Variants in ITPR2 observed in about 807,000 individuals in gnomAD.
ITPR2 encodes the protein inositol 1,4,5-trisphosphate receptor type 2.
In ITPR2, 207 loss-of-function variants were observed where a neutral mutation model predicts 317.1. The ratio of observed to expected loss-of-function variants is 0.65; its 90% CI spans 0.58 to 0.73. ITPR2 has a LOEUF of 0.73. ITPR2 is among the 30% of genes least tolerant of loss of function. The pLI is 0.00. For synonymous variants in ITPR2, 1,156 were observed against 1,149.1 expected (o/e 1.01, Z -0.12); for missense variants, 2,613 against 3,284.0 (o/e 0.80, Z 4.99).
intron 9 of ITPR2, among the ~76,000 whole-genome samples, chr12:26,699,931 T>A (rs1437880529): frequency 6.6e-6 from 1 of 152,204 alleles, no homozygotes. Context: ...AAATAAATTA[T>A]AAATCTGGCA....
At chr12:26,399,577 G>A (rs180815923) in intron 53 of ITPR2, among the ~76,000 whole-genome samples, 5 of 152,302 alleles carry the variant, frequency 3.3e-5, no homozygotes, top group Admixed American at 6.5e-5. Flanking sequence ...AGGTTAAGAG[G>A]TTAGATGATT....
At chr12:26,506,710 A>G (rs937530929) in intron 37 of ITPR2, among the ~76,000 whole-genome samples, 5 of 152,154 alleles carry the variant, frequency 3.3e-5, no homozygotes, top group African/African-American at 1.2e-4. Context: ...GCCTAATGCA[A>G]GAGAACACAC....
chr12:26,737,505 G>A (rs985903399), intron 2 of ITPR2, among the ~76,000 whole-genome samples: 29 of 151,962 alleles, frequency 1.9e-4, no homozygotes, highest in African/African-American at 6.0e-4. Flanking sequence ...TGCCCACCTC[G>A]GCCTCCTAAA....
intron 37 of ITPR2, among the ~76,000 whole-genome samples, chr12:26,540,619 T>C (rs1335658547): frequency 6.6e-6 from 1 of 151,932 alleles, no homozygotes; most frequent in African/African-American, 2.4e-5. Context: ...CTCTAAAGAG[T>C]GGTAGCATAT....
intron 9 of ITPR2, among the ~76,000 whole-genome samples, chr12:26,698,262 C>T (rs1211927035): frequency 2.0e-5 from 3 of 152,038 alleles, no homozygotes; most frequent in Admixed American, 6.5e-5. Context: ...GCAGAGAAAA[C>T]AGTGGTAGGG....
intron 5 of ITPR2, 54 bp downstream of exon 5, chr12:26,722,343 G>T: frequency 2.1e-6 from 3 of 1,441,390 alleles, no homozygotes; most frequent in African/African-American, 1.4e-5. Context: ...TTACTTATTA[G>T]GAATCATTTT....
At chr12:26,686,250 G>T (rs1449065810) in intron 11 of ITPR2, among the ~76,000 whole-genome samples, 1 of 151,924 alleles carries the variant, frequency 6.6e-6, no homozygotes, top group Non-Finnish European at 1.5e-5. Context: ...AAGAATAAAT[G>T]ATTCTTATAA....
At chr12:26,538,949 TTC>T (rs1038733415) in intron 37 of ITPR2, among the ~76,000 whole-genome samples, 33 of 152,212 alleles carry the variant, frequency 2.2e-4, no homozygotes, top group African/African-American at 7.5e-4. Context: ...TTAAAATACT[TTC>T]TTTCCTCAGA....
chr12:26,610,788 C>T (rs577265625), intron 26 of ITPR2, among the ~76,000 whole-genome samples: 97 of 152,248 alleles, frequency 6.4e-4, no homozygotes, highest in Non-Finnish European at 1.2e-3. Context: ...CAGTGGGTAC[C>T]TCTGTGGTTG....
chr12:26,635,912 G>C (rs1386808457), intron 21 of ITPR2, among the ~76,000 whole-genome samples: 1 of 152,212 alleles, frequency 6.6e-6, no homozygotes, highest in Non-Finnish European at 1.5e-5. Context: ...TAAGATCAAA[G>C]CCTTAATTAA....
chr12:26,450,523 G>A (rs553913667), intron 45 of ITPR2, among the ~76,000 whole-genome samples: 1 of 152,160 alleles, frequency 6.6e-6, no homozygotes, highest in South Asian at 2.1e-4. Flanking sequence ...TGTTAGTAGG[G>A]TCAGAGTCCT....
At chr12:26,593,629 T>C (rs1945760906) in intron 32 of ITPR2, among the ~76,000 whole-genome samples, 1 of 152,142 alleles carries the variant, frequency 6.6e-6, no homozygotes, top group Non-Finnish European at 1.5e-5. Context: ...TGGTTAGACA[T>C]AAATAATAAA....
Position 26,658,092 on chromosome 12 carries a change from G to T in ITPR2, c.1925C>A (p.Thr642Asn). ...DYLSDLCVSN[T>N]TAIPVTQELI... ...TTCTTGAGTTACAGGGATAGCAGTG[G>T]TATTAGACACACACAGATCTGACAA... The change falls in exon 17 of 57, where the codon ACC (threonine) becomes AAC (asparagine). Residue 642 changes from threonine to asparagine, a missense_variant. Thr to Asn is a moderately conservative substitution (Grantham distance 65, BLOSUM62 0). Coordinates refer to ENST00000381340, the MANE Select transcript of ITPR2 (RefSeq NM_002223.4). 1 of 1,610,234 alleles carries T rather than the reference G, an allele frequency of 6.2e-7. No individual in the cohort carries two copies.
chr12:26,428,614 G>T (rs548179484), intron 48 of ITPR2, among the ~76,000 whole-genome samples: 1 of 151,992 alleles, frequency 6.6e-6, no homozygotes, highest in East Asian at 1.9e-4. Context: ...GTATGAGTAC[G>T]TGCATGAGTG....
At chr12:26,711,366 T>C (rs1347257401) in intron 8 of ITPR2, 98 bp from the exon 9 acceptor site, 7 of 810,324 alleles carry the variant, frequency 8.6e-6, no homozygotes, top group African/African-American at 1.7e-5. Flanking sequence ...TTAATACTGA[T>C]CTGTCAAACC....
chr12:26,462,919 G>C (rs1003739395), intron 45 of ITPR2, among the ~76,000 whole-genome samples: 3 of 152,026 alleles, frequency 2.0e-5, no homozygotes, highest in Non-Finnish European at 4.4e-5. Context: ...TGATCTACCT[G>C]CCTCAGCCTC....
chr12:26,397,928 A>G (rs1047697305), intron 54 of ITPR2, among the ~76,000 whole-genome samples: 2 of 151,996 alleles, frequency 1.3e-5, no homozygotes, highest in African/African-American at 4.8e-5. Flanking sequence ...TACAAAGACA[A>G]CTGAAGCCAG....
chr12:26,753,714 G>A (rs1214475604), intron 2 of ITPR2, among the ~76,000 whole-genome samples: 38 of 152,212 alleles, frequency 2.5e-4, no homozygotes, highest in Non-Finnish European at 1.5e-5. Flanking sequence ...GGTCTGCTTT[G>A]CATGTCTTTC....
chr12:26,479,729 T>C (rs183512026), intron 43 of ITPR2, among the ~76,000 whole-genome samples: 19 of 152,266 alleles, frequency 1.2e-4, no homozygotes, highest in Non-Finnish European at 2.4e-4. Context: ...CAGAAGCTTA[T>C]ACACATTACA....
Sources: allele counts gnomAD v4.1 joint callset (sites outside exome capture counted in the v4.1 genomes callset), GRCh38; gene constraint gnomAD v4.1.1; transcripts MANE v1.5; gene names NCBI Gene and HGNC (gene_info 2026-07-23, HGNC 2026-07-21).